The following GRAMD1B variants were observed in gnomAD, a reference collection of about 807,000 sequenced individuals.
GRAMD1B encodes GRAM domain containing 1B.
GRAMD1B carries 37 observed loss-of-function variants against 99.7 expected under a neutral mutation model. The observed-to-expected ratio is 0.37, with a 90% CI of 0.29 to 0.49. The LOEUF is 0.49. Ranked by LOEUF, GRAMD1B falls within the 20% of genes least tolerant of loss-of-function variation. GRAMD1B has a pLI of 0.98. For missense variants in GRAMD1B, 888 were observed against 1,009.2 expected, an observed-to-expected ratio of 0.88 and a Z score of 1.63; for synonymous variants, 427 against 387.6, an observed-to-expected ratio of 1.10 and a Z score of -1.19.
At chr11:123,593,219 G>A (rs1205407673) in intron 4 of GRAMD1B, among the ~76,000 whole-genome samples, 3 of 151,334 alleles carry the variant, frequency 2.0e-5, no homozygotes, top group African/African-American at 7.3e-5. Context: ...GTGACAGAGC[G>A]AGACTCTGTC....
chr11:123,569,779 A>G (rs966010366), intron 2 of GRAMD1B, among the ~76,000 whole-genome samples: 1 of 152,236 alleles, frequency 6.6e-6, no homozygotes, highest in African/African-American at 2.4e-5. Flanking sequence ...GTAACTGGAT[A>G]ACAGGGTAGT....
rs1592150333 is a variant in GRAMD1B, at chr11:123,587,933, A to G, written c.684+3601A>G. Among the ~76,000 whole-genome samples, 1 of 151,478 alleles carries G rather than the reference A, an allele frequency of 6.6e-6. No individual in the cohort carries two copies. Among genetic ancestry groups the G allele is most frequent in the African/African-American group, 2.4e-5 (1 of 41,170 alleles). On this transcript the variant is annotated intron_variant, in intron 4 of 19. Transcript: ENST00000635736. The surrounding 1 kb of genome is among the most constrained non-coding windows in gnomAD (Gnocchi z 4.2). ...CCTCCTCTGTCTGTCTCCCCTCTCT[A>G]TTTACTCCCAACTTGAAGGGTCTTC...
In GRAMD1B at chr11:123,430,529, G is replaced by A. The variant is rs1948822231; in HGVS notation, c.-264G>A. 4.6e-6 allele frequency: 2 copies of A among 438,466 alleles called. No homozygotes were observed. The highest frequency in any genetic ancestry group is 8.0e-6 in the Non-Finnish European group (2 of 248,896). 27.2% of individuals were successfully genotyped at this position (438,466 alleles called of 1,614,324 possible). ...AGGAGGGCTGCCGAGTGGCTGGCAG[G>A]CGGCTCCCGCCCCTCCCGGGTGGCC... On this transcript the variant is annotated 5_prime_UTR_variant, in exon 1 of 20. Coordinates refer to ENST00000635736, the MANE Select transcript of GRAMD1B (RefSeq NM_001387025.1).
chr11:123,528,446 T>G (rs1008371345), intron 2 of GRAMD1B, among the ~76,000 whole-genome samples: 1 of 152,240 alleles, frequency 6.6e-6, no homozygotes, highest in African/African-American at 2.4e-5. Context: ...GCTGAAACTA[T>G]GTATCAAGCA....
intron 1 of GRAMD1B, among the ~76,000 whole-genome samples, chr11:123,451,481 T>G (rs543448870): frequency 6.6e-6 from 1 of 152,370 alleles, no homozygotes; most frequent in South Asian, 2.1e-4. Context: ...ATACGTGTGT[T>G]GTATCTGACA....
chr11:123,552,276 T>TC (rs1248015022), intron 2 of GRAMD1B, among the ~76,000 whole-genome samples: 1,402 of 101,960 alleles, frequency 0.014, 21 homozygotes, highest in African/African-American at 0.047. Context: ...TTTCTTTCTT[T>TC]TTTTTTTTTT....
intron 1 of GRAMD1B, among the ~76,000 whole-genome samples, chr11:123,456,930 AAAAAAAAG>A (rs1277295254): frequency 2.0e-5 from 3 of 149,426 alleles, no homozygotes; most frequent in African/African-American, 7.4e-5. Flanking sequence ...AAAAAAAAAA[AAAAAAAAG>A]AAAAAGAAAA....
At chr11:123,362,486 T>A (rs992712245) in intron 1 of GRAMD1B, among the ~76,000 whole-genome samples, 3 of 152,178 alleles carry the variant, frequency 2.0e-5, no homozygotes, top group Non-Finnish European at 4.4e-5. Flanking sequence ...GCCATGGACT[T>A]CAGGGGTCAG....
chr11:123,433,952 G>A (rs114869740), intron 1 of GRAMD1B, among the ~76,000 whole-genome samples: 2,198 of 152,028 alleles, frequency 0.014, 55 homozygotes, highest in African/African-American at 0.05. Flanking sequence ...TGTATCAGCC[G>A]GGCGCAGTGG....
chr11:123,576,817 T>C (rs1194049353), intron 2 of GRAMD1B, among the ~76,000 whole-genome samples: 3 of 152,232 alleles, frequency 2.0e-5, no homozygotes, highest in African/African-American at 7.2e-5. Context: ...GCACTGGTCT[T>C]CATTTTTTAA....
chr11:123,544,665 T>A (rs1944887488), intron 2 of GRAMD1B, among the ~76,000 whole-genome samples: 2 of 152,336 alleles, frequency 1.3e-5, no homozygotes, highest in South Asian at 4.1e-4. Flanking sequence ...GCCCTGTCAC[T>A]GAGCATTGCC....
At chr11:123,440,448 G>T (rs1269407223) in intron 1 of GRAMD1B, among the ~76,000 whole-genome samples, 2 of 152,154 alleles carry the variant, frequency 1.3e-5, no homozygotes, top group African/African-American at 4.8e-5. Context: ...AACAGTGGTT[G>T]CAGTGACCCA....
chr11:123,614,747 TC>T lies in GRAMD1B; in HGVS notation c.2232del (p.Thr745HisfsTer38). The T allele has an allele frequency of 6.2e-7, 1 of 1,604,736 alleles. No individual in the cohort carries two copies. Among genetic ancestry groups the T allele is most frequent in the Non-Finnish European group, 8.5e-7 (1 of 1,171,638 alleles). On this transcript the variant is annotated frameshift_variant, in exon 17 of 20. Transcript: ENST00000635736. LOFTEE classifies it high-confidence loss of function. ...VGHRIKHVAG[S>X]TQTRHIPEDT... is the part of the protein sequence containing the mutation. ...GGTCTCTTTAATTCTCCCCACAGGT[TC>T]CACACAGACGCGGCATATCCCGGAG...
At chr11:123,452,538 C>T (rs577687619) in intron 1 of GRAMD1B, among the ~76,000 whole-genome samples, 67 of 152,028 alleles carry the variant, frequency 4.4e-4, no homozygotes, top group African/African-American at 9.6e-4. Context: ...TTCAGCTACT[C>T]GGGAGTCTGA....
intron 1 of GRAMD1B, among the ~76,000 whole-genome samples, chr11:123,440,004 G>C (rs1382471247): frequency 1.3e-5 from 2 of 152,174 alleles, no homozygotes; most frequent in Admixed American, 6.5e-5. Context: ...TAATTTTCTG[G>C]GGGAGGGGGA....
At chr11:123,435,665 T>A in intron 1 of GRAMD1B, 1 of 469,328 alleles carries the variant, frequency 2.1e-6, no homozygotes, top group Non-Finnish European at 3.8e-6. Context: ...TATAGATGTT[T>A]GTTGATGAGT....
rs1271783681 is a variant in GRAMD1B at position 123,492,238 on chromosome 11, A to G, written c.452+11345A>G. Among the ~76,000 whole-genome samples the G allele has an allele frequency of 6.6e-6, 1 of 152,138 alleles. No homozygotes were observed. The highest frequency in any genetic ancestry group is 2.4e-5 in the African/African-American group (1 of 41,426). Reference sequence around the variant, plus strand: ...CCTTTATGATAAGTTGCTCCAGTCCATAAAGAACTTGGAAATCCTGAGAAA... The same window carrying G: ...CCTTTATGATAAGTTGCTCCAGTCCGTAAAGAACTTGGAAATCCTGAGAAA... On this transcript the variant is annotated intron_variant, in intron 2 of 19. Coordinates refer to ENST00000635736, the MANE Select transcript of GRAMD1B (RefSeq NM_001387025.1). The surrounding 1 kb of genome is among the most constrained non-coding windows in gnomAD (Gnocchi z 4.2).
chr11:123,541,700 A>G (rs963466640), intron 2 of GRAMD1B, among the ~76,000 whole-genome samples: 2 of 152,114 alleles, frequency 1.3e-5, no homozygotes, highest in South Asian at 2.1e-4. Context: ...TTTAGCCTAT[A>G]TAAGTTTGTT....
At chr11:123,391,235 G>A (rs1384854772) in intron 1 of GRAMD1B, among the ~76,000 whole-genome samples, 2 of 152,116 alleles carry the variant, frequency 1.3e-5, no homozygotes. Context: ...TTGAAATCAT[G>A]AGATGAGAGC....
Sources: allele counts gnomAD v4.1 joint callset (sites outside exome capture counted in the v4.1 genomes callset), GRCh38; gene constraint gnomAD v4.1.1; non-coding constraint Gnocchi (gnomAD v3.1); transcripts MANE v1.5; gene names NCBI Gene and HGNC (gene_info 2026-07-23, HGNC 2026-07-21).